The following HECTD4 variants were observed in gnomAD, a reference collection of about 807,000 sequenced individuals.
HECTD4 encodes the protein HECT domain E3 ubiquitin protein ligase 4, also known as probable E3 ubiquitin-protein ligase HECTD4.
Under a neutral mutation model 471.5 loss-of-function variants are expected in HECTD4, and 114 were observed. That is an observed-to-expected ratio of 0.24 (90% confidence interval 0.21 to 0.28). The LOEUF is 0.28. Ranked by LOEUF, HECTD4 falls within the 10% of genes least tolerant of loss-of-function variation. The pLI is 1.00. For missense variants in HECTD4, 3,866 were observed against 5,651.5 expected (o/e 0.68, Z 10.13); for synonymous variants, 2,012 against 2,256.0 (o/e 0.89, Z 3.07).
chr12:112,358,972 A>G (rs2036398370), intron 1 of HECTD4, among the ~76,000 whole-genome samples: 1 of 152,122 alleles, frequency 6.6e-6, no homozygotes, highest in African/African-American at 2.4e-5. Context: ...TCAGGAGATC[A>G]AGACCATCCT....
intron 8 of HECTD4, among the ~76,000 whole-genome samples, chr12:112,280,952 G>A (rs534424587): frequency 9.2e-4 from 139 of 151,642 alleles, no homozygotes; most frequent in African/African-American, 3.0e-3. Flanking sequence ...CATCACACCC[G>A]GCTAATTTTT....
intron 4 of HECTD4, among the ~76,000 whole-genome samples, chr12:112,312,143 C>T (rs2035386661): frequency 6.6e-6 from 1 of 152,234 alleles, no homozygotes; most frequent in Non-Finnish European, 1.5e-5. Context: ...TGTCCCACAC[C>T]TGATGAACAC....
rs2032795717 is a variant in HECTD4 at position 112,212,600 on chromosome 12, G to A, written c.7516C>T (p.Pro2506Ser). 5.0e-6 allele frequency: 8 copies of A among 1,613,862 alleles called. No individual in the cohort carries two copies. The highest frequency in any genetic ancestry group is 2.2e-5 in the East Asian group (1 of 44,888). ...WERTEGTPPP[P>S]GQPAKGRVYF... ...ACCCGGCCCTTGGCTGGCTGTCCCGGAGGAGGTGGAGTCCCCTCAGTTCTC... is the reference window on the plus strand; with the variant it reads ...ACCCGGCCCTTGGCTGGCTGTCCCGAAGGAGGTGGAGTCCCCTCAGTTCTC... The change falls in exon 49 of 76, where the codon CCG becomes TCG. Residue 2506 changes from proline to serine, a missense_variant. Physicochemically the swap from Pro to Ser is moderately conservative, Grantham distance 74. Transcript: ENST00000682272.
At position 112,229,241 on chromosome 12, in the gene HECTD4, C is replaced by A. The variant is rs866961029; in HGVS notation, c.6520-430G>T. Reference sequence around the variant, plus strand: ...ACTTGGGAGGCTGAGGCAGGAGAATCATTTGAACCCGGGAGACAGAGGTTG... The same window carrying A: ...ACTTGGGAGGCTGAGGCAGGAGAATAATTTGAACCCGGGAGACAGAGGTTG... On this transcript the variant is annotated intron_variant, in intron 41 of 75. Coordinates refer to ENST00000682272, the MANE Select transcript of HECTD4 (RefSeq NM_001388303.1). Among the ~76,000 whole-genome samples, 9 of 152,092 alleles carry A rather than the reference C, an allele frequency of 5.9e-5. No homozygotes were observed. In the South Asian group the frequency reaches 6.2e-4, roughly 11 times the overall value.
chr12:112,271,347 G>A (rs1442303665), intron 11 of HECTD4, among the ~76,000 whole-genome samples: 1 of 152,128 alleles, frequency 6.6e-6, no homozygotes, highest in Non-Finnish European at 1.5e-5. Context: ...CCTTCAGTGT[G>A]GTCGAGACTA....
chr12:112,301,792 A>C, intron 7 of HECTD4: 1 of 531,904 alleles, frequency 1.9e-6, no homozygotes. Context: ...CTATTTCTTC[A>C]GCTAGCTGTT....
chr12:112,212,933 T>A (rs1373777336), intron 48 of HECTD4, among the ~76,000 whole-genome samples: 1 of 152,186 alleles, frequency 6.6e-6, no homozygotes. Flanking sequence ...GTAGCTGGGA[T>A]TACAGGCGCC....
At chr12:112,269,275 C>T (rs963131634) in intron 13 of HECTD4, among the ~76,000 whole-genome samples, 2 of 152,138 alleles carry the variant, frequency 1.3e-5, no homozygotes, top group Admixed American at 6.5e-5. Flanking sequence ...AAAACAGGTG[C>T]TATTTTTATG....
intron 64 of HECTD4, 54 bp from the exon 65 acceptor site, chr12:112,176,756 T>A: frequency 1.6e-6 from 2 of 1,259,400 alleles, no homozygotes; most frequent in Non-Finnish European, 1.2e-6. Flanking sequence ...CTCCTCCCGA[T>A]AGGAAATACA....
In HECTD4 at chr12:112,174,009, C is replaced by T. The variant is rs151293908; in HGVS notation, c.11595-1148G>A. 4.6e-3 allele frequency among the ~76,000 whole-genome samples: 694 copies of T among 149,460 alleles called. 10 individuals are homozygous for T. The highest frequency in any genetic ancestry group is 0.017 in the African/African-American group (673 of 40,578). On this transcript the variant is annotated intron_variant, in intron 66 of 75. Transcript: ENST00000682272. ...TTTTTTTTTTTGAGTTGGAGTTTCA[C>T]TCTTGTTGCCCAGGCTAGAGTGCAA... is the stretch of plus-strand genomic sequence containing the variant.
Position 112,184,056 on chromosome 12 carries a change from A to G in HECTD4, c.10779+131T>C. ...CAAGCAGCCTCACTGTGCTCATTCCAAGGGCTGCCCCAGGGAGCCCCCAAC... is the reference window on the plus strand; with the variant it reads ...CAAGCAGCCTCACTGTGCTCATTCCGAGGGCTGCCCCAGGGAGCCCCCAAC... On this transcript the variant is annotated intron_variant, in intron 61 of 75. Transcript: ENST00000682272. This position sits in a 1 kb window ranked among gnomAD's most constrained non-coding sequence, Gnocchi z 9.1. 1 of 867,328 alleles carries G rather than the reference A, an allele frequency of 1.2e-6. No individual in the cohort carries two copies. The highest frequency in any genetic ancestry group is 1.8e-6 in the Non-Finnish European group (1 of 552,558). The allele number at this position is 867,328 out of a possible 1,614,324, so 53.7% of individuals were successfully genotyped here.
At position 112,228,930 on chromosome 12, in the gene HECTD4, A is replaced by G. The variant is rs1474653509; in HGVS notation, c.6520-119T>C. Reference sequence around the variant, plus strand: ...ATTGTTGGCGTTACAGTAATAGTTTATACTACTAGGGTAGCAGATACCAAG... The same window carrying G: ...ATTGTTGGCGTTACAGTAATAGTTTGTACTACTAGGGTAGCAGATACCAAG... On this transcript the variant is annotated intron_variant, in intron 41 of 75. Transcript: ENST00000682272. This position sits in a 1 kb window ranked among gnomAD's most constrained non-coding sequence, Gnocchi z 4.9. The G allele has an allele frequency of 2.2e-5, 21 of 971,376 alleles. No individual in the cohort carries two copies. Among genetic ancestry groups the G allele is most frequent in the East Asian group, 1.2e-4 (5 of 41,760 alleles). 60.2% of individuals were successfully genotyped at this position (971,376 alleles called of 1,614,324 possible). A position where few individuals can be genotyped will look rare whatever the true frequency, so the allele number is the denominator to read the frequency against.
intron 8 of HECTD4, among the ~76,000 whole-genome samples, chr12:112,280,874 C>T (rs1034193360): frequency 1.3e-5 from 2 of 151,012 alleles, no homozygotes; most frequent in African/African-American, 4.9e-5. Context: ...CTGCAACTTC[C>T]ACTTCCTGTG....
rs116379013 is a variant in HECTD4, at chr12:112,223,114, T to C, written c.6970+3529A>G. 9.4e-3 allele frequency among the ~76,000 whole-genome samples: 1,425 copies of C among 152,260 alleles called. 24 individuals are homozygous for C. The highest frequency in any genetic ancestry group is 0.033 in the African/African-American group (1,354 of 41,544). On this transcript the variant is annotated intron_variant, in intron 44 of 75. Transcript: ENST00000682272. ...GAGCCCTGTTTCTTCCAGTGAGGTC[T>C]GATGGTTCCGGTAGCCTGCTGTCTG...
chr12:112,165,532 T>C (rs2030911422), intron 72 of HECTD4, among the ~76,000 whole-genome samples: 2 of 151,956 alleles, frequency 1.3e-5, no homozygotes, highest in African/African-American at 2.4e-5. Flanking sequence ...TTTGTATTTT[T>C]AGTAGAGACG....
At position 112,195,033 on chromosome 12, in the gene HECTD4, C is replaced by T. The variant is rs747903425; in HGVS notation, c.8601G>A (p.Arg2867=). Residue 2867 remains arginine, a synonymous_variant, in exon 56 of 76, where the codon AGG becomes AGA. Transcript: ENST00000682272. ...TGAGCAGGGCCATGCGGCAGTACAG[C>T]CTGGCCAGCGCAGCCTCGCAGCGCA... ...ELLRCEAALA[R]LYCRMALLNI... The T allele has an allele frequency of 3.1e-6, 5 of 1,608,206 alleles. No homozygotes were observed. Among genetic ancestry groups the T allele is most frequent in the Non-Finnish European group, 3.4e-6 (4 of 1,177,506 alleles).
At chr12:112,350,597 TA>T (rs2036233503) in intron 1 of HECTD4, among the ~76,000 whole-genome samples, 1 of 152,252 alleles carries the variant, frequency 6.6e-6, no homozygotes, top group South Asian at 2.1e-4. Context: ...TATTTTTATC[TA>T]ACAAGTTTTA....
At chr12:112,328,235 C>T (rs975222171) in intron 1 of HECTD4, among the ~76,000 whole-genome samples, 4 of 151,958 alleles carry the variant, frequency 2.6e-5, no homozygotes, top group Non-Finnish European at 5.9e-5. Flanking sequence ...ACCACCTGGG[C>T]TCAAGTGATC....
At chr12:112,304,457 C>T (rs780496089) in intron 7 of HECTD4, among the ~76,000 whole-genome samples, 1 of 151,792 alleles carries the variant, frequency 6.6e-6, no homozygotes, top group Non-Finnish European at 1.5e-5. Context: ...GACGGGGTCT[C>T]GCTATGTTGC....
Sources: allele counts gnomAD v4.1 joint callset (sites outside exome capture counted in the v4.1 genomes callset), GRCh38; gene constraint gnomAD v4.1.1; non-coding constraint Gnocchi (gnomAD v3.1); transcripts MANE v1.5; gene names NCBI Gene and HGNC (gene_info 2026-07-23, HGNC 2026-07-21).